The following ZNF385B variants were observed in gnomAD, a reference collection of about 807,000 sequenced individuals.
ZNF385B encodes zinc finger protein 385B.
Under a neutral mutation model 39.2 loss-of-function variants are expected in ZNF385B, and 23 were observed. That is an observed-to-expected ratio of 0.59 (90% confidence interval 0.42 to 0.83). The LOEUF (loss-of-function observed/expected upper bound fraction) is 0.83. Ranked by LOEUF, ZNF385B falls within the 40% of genes least tolerant of loss-of-function variation. ZNF385B has a pLI of 0.00. For missense variants in ZNF385B, 552 were observed against 598.9 expected (o/e 0.92, Z 0.82); for synonymous variants, 205 against 222.6 (o/e 0.92, Z 0.70).
intron 6 of ZNF385B, among the ~76,000 whole-genome samples, chr2:179,454,416 C>A (rs57448918): frequency 2.0e-5 from 3 of 152,102 alleles, no homozygotes; most frequent in African/African-American, 7.2e-5. Flanking sequence ...GTATATAATA[C>A]TTGATAATAA....
chr2:179,652,977 G>C (rs572644270), intron 3 of ZNF385B, among the ~76,000 whole-genome samples: 3 of 151,994 alleles, frequency 2.0e-5, no homozygotes, highest in Non-Finnish European at 4.4e-5. Flanking sequence ...TTCCTGCTTC[G>C]TTCACTTTGA....
intron 1 of ZNF385B, among the ~76,000 whole-genome samples, chr2:179,784,338 G>A (rs540925244): frequency 1.1e-3 from 162 of 152,140 alleles, no homozygotes; most frequent in Non-Finnish European, 2.0e-3. Context: ...TGGGAAGAGG[G>A]AGAGCAGCAG....
intron 1 of ZNF385B, among the ~76,000 whole-genome samples, chr2:179,771,224 G>A (rs901482007): frequency 6.6e-6 from 1 of 152,108 alleles, no homozygotes; most frequent in Non-Finnish European, 1.5e-5. Context: ...TTGTCTCAGA[G>A]CTCTAAGAAA....
intron 1 of ZNF385B, among the ~76,000 whole-genome samples, chr2:179,813,379 C>T (rs575573350): frequency 6.6e-6 from 1 of 152,184 alleles, no homozygotes; most frequent in African/African-American, 2.4e-5. Flanking sequence ...TTAAATTGGT[C>T]ATTTGACTCC....
intron 3 of ZNF385B, among the ~76,000 whole-genome samples, chr2:179,716,927 G>T (rs1039862740): frequency 6.6e-6 from 1 of 151,774 alleles, no homozygotes; most frequent in African/African-American, 2.4e-5. Flanking sequence ...ACCAGCTACT[G>T]CCTACCTATA....
chr2:179,649,797 G>A (rs1367900392), intron 3 of ZNF385B, among the ~76,000 whole-genome samples: 2 of 151,828 alleles, frequency 1.3e-5, no homozygotes, highest in Non-Finnish European at 2.9e-5. Flanking sequence ...AGAAAGTTTT[G>A]CTTTTTGTTA....
intron 3 of ZNF385B, among the ~76,000 whole-genome samples, chr2:179,715,862 A>G (rs1700297699): frequency 6.6e-6 from 1 of 152,130 alleles, no homozygotes; most frequent in Admixed American, 6.5e-5. Flanking sequence ...CATCATGAAT[A>G]AATATATATT....
At chr2:179,817,160 G>A (rs1474463444) in intron 1 of ZNF385B, among the ~76,000 whole-genome samples, 1 of 152,060 alleles carries the variant, frequency 6.6e-6, no homozygotes, top group Non-Finnish European at 1.5e-5. Flanking sequence ...GTCTCCTATT[G>A]AAATACTAAA....
rs61412889 is a variant in ZNF385B, at chr2:179,797,703, AT to A, written c.-154-27032del. On this transcript the variant is annotated intron_variant, in intron 1 of 9. Transcript: ENST00000410066. ...ATGGTATATTTTAATGCATTCATTC[AT>A]TTTTCTTTTCCTTCTGAAAACCGAT... is the stretch of plus-strand genomic sequence containing the variant. 6.1e-3 allele frequency among the ~76,000 whole-genome samples: 924 copies of A among 152,168 alleles called. 6 individuals are homozygous for A. The highest frequency in any genetic ancestry group is 0.021 in the African/African-American group (891 of 41,520).
chr2:179,784,637 A>G (rs1162630169), intron 1 of ZNF385B, among the ~76,000 whole-genome samples: 1 of 152,096 alleles, frequency 6.6e-6, no homozygotes. Flanking sequence ...AGAAAAATGA[A>G]CAAAAACTGT....
At chr2:179,705,211 C>CT (rs929998850) in intron 3 of ZNF385B, among the ~76,000 whole-genome samples, 2 of 152,094 alleles carry the variant, frequency 1.3e-5, no homozygotes, top group African/African-American at 4.8e-5. Context: ...CTGGGCCCCT[C>CT]TCAATGAGTA....
intron 1 of ZNF385B, among the ~76,000 whole-genome samples, chr2:179,827,384 CT>C (rs1168728577): frequency 6.6e-6 from 1 of 152,068 alleles, no homozygotes; most frequent in Non-Finnish European, 1.5e-5. Flanking sequence ...TCACAAAAGA[CT>C]TTTAAGCAAG....
intron 3 of ZNF385B, among the ~76,000 whole-genome samples, chr2:179,561,684 C>A (rs533864713): frequency 6.7e-6 from 1 of 149,994 alleles, no homozygotes; most frequent in East Asian, 2.0e-4. Flanking sequence ...AAAGTGATAA[C>A]ATTAAAACAG....
chr2:179,826,512 T>C (rs1707691756), intron 1 of ZNF385B, among the ~76,000 whole-genome samples: 1 of 152,170 alleles, frequency 6.6e-6, no homozygotes, highest in South Asian at 2.1e-4. Context: ...AAGAGGGCTA[T>C]TGATAGCCCT....
At chr2:179,632,364 G>C (rs1346239172) in intron 3 of ZNF385B, among the ~76,000 whole-genome samples, 2 of 152,176 alleles carry the variant, frequency 1.3e-5, no homozygotes, top group African/African-American at 2.4e-5. Context: ...TCAGACCACA[G>C]TGCAATCAAA....
intron 1 of ZNF385B, among the ~76,000 whole-genome samples, chr2:179,809,662 T>C (rs1454430116): frequency 1.3e-5 from 2 of 152,094 alleles, no homozygotes; most frequent in African/African-American, 4.8e-5. Flanking sequence ...AATACAAATT[T>C]ATTACAGAAA....
intron 3 of ZNF385B, among the ~76,000 whole-genome samples, chr2:179,673,031 C>G (rs571020929): frequency 1.3e-5 from 2 of 152,108 alleles, no homozygotes; most frequent in African/African-American, 4.8e-5. Flanking sequence ...AACAGCAAAG[C>G]GAGACGGCAA....
intron 4 of ZNF385B, among the ~76,000 whole-genome samples, chr2:179,539,575 A>G (rs370261204): frequency 8.5e-5 from 13 of 152,220 alleles, no homozygotes; most frequent in African/African-American, 2.9e-4. Flanking sequence ...GTATTATCCC[A>G]GTTGTTTGTG....
chr2:179,734,293 A>T (rs1701597662), intron 3 of ZNF385B, among the ~76,000 whole-genome samples: 2 of 152,186 alleles, frequency 1.3e-5, no homozygotes. Context: ...CTGTTAACTA[A>T]ATCTGGTAGT....
Sources: allele counts gnomAD v4.1 joint callset (sites outside exome capture counted in the v4.1 genomes callset), GRCh38; gene constraint gnomAD v4.1.1; transcripts MANE v1.5; gene names NCBI Gene and HGNC (gene_info 2026-07-23, HGNC 2026-07-21).